Variants in HNF1A observed in about 807,000 individuals in gnomAD.
The protein encoded by HNF1A is hepatocyte nuclear factor 1-alpha.
Under a neutral mutation model 62.2 loss-of-function variants are expected in HNF1A, and 21 were observed. That is an observed-to-expected ratio of 0.34 (90% CI 0.24 to 0.49). The LOEUF is 0.49. HNF1A is among the 20% of genes least tolerant of loss of function. The probability of loss-of-function intolerance (pLI) is 0.99; values close to 1 mark genes in which losing one functional copy is unlikely to be tolerated. For synonymous variants in HNF1A, 374 were observed against 366.8 expected, an observed-to-expected ratio of 1.02 and a Z score of -0.22; for missense variants, 687 against 832.3, an observed-to-expected ratio of 0.83 and a Z score of 2.15.
chr12:120,992,282 T>A (rs1014841081), intron 2 of HNF1A, among the ~76,000 whole-genome samples: 3 of 152,240 alleles, frequency 2.0e-5, no homozygotes, highest in Non-Finnish European at 4.4e-5. Flanking sequence ...AGATGGGTTC[T>A]GGAAGCCCTG....
intron 2 of HNF1A, among the ~76,000 whole-genome samples, chr12:120,991,686 A>G (rs1355060062): frequency 3.9e-5 from 6 of 152,134 alleles, no homozygotes; most frequent in Non-Finnish European, 8.8e-5. Flanking sequence ...TCCTTACTCT[A>G]TAGCTACCCC....
intron 2 of HNF1A, among the ~76,000 whole-genome samples, chr12:120,991,551 G>A (rs1349392412): frequency 1.3e-5 from 2 of 152,178 alleles, no homozygotes; most frequent in African/African-American, 2.4e-5. Context: ...CCAAGATCAC[G>A]CCACTGCACT....
intron 9 of HNF1A, among the ~76,000 whole-genome samples, chr12:121,000,022 A>G (rs1434649184): frequency 6.6e-6 from 1 of 152,256 alleles, no homozygotes; most frequent in African/African-American, 2.4e-5. Context: ...GAATTTTCAC[A>G]TAGAAATCCA....
intron 1 of HNF1A, among the ~76,000 whole-genome samples, chr12:120,983,850 C>T (rs143836152): frequency 6.6e-6 from 1 of 151,744 alleles, no homozygotes; most frequent in Non-Finnish European, 1.5e-5. Flanking sequence ...CCAGCCTTGG[C>T]CTCTTAGTTC....
intron 1 of HNF1A, among the ~76,000 whole-genome samples, chr12:120,985,773 T>A (rs1416825200): frequency 6.6e-6 from 1 of 150,486 alleles, no homozygotes. Context: ...TCACCTGAAG[T>A]CGGGAGTTTG....
At chr12:120,987,790 CTAT>C (rs1320848512) in intron 1 of HNF1A, among the ~76,000 whole-genome samples, 1 of 151,924 alleles carries the variant, frequency 6.6e-6, no homozygotes, top group Non-Finnish European at 1.5e-5. Flanking sequence ...ATCTATCTAT[CTAT>C]CTATCTATCT....
In HNF1A at chr12:121,001,210, T is replaced by C; in HGVS notation, c.*18T>C. The C allele has an allele frequency of 6.2e-7, 1 of 1,613,454 alleles. No homozygotes were observed. Among genetic ancestry groups the C allele is most frequent in the Non-Finnish European group, 8.5e-7 (1 of 1,179,796 alleles). ...CCCAGTAACCACGGCACCTGGGCCC[T>C]GGGGCCTGTACTGCCTGCTTGGGGG... On this transcript the variant is annotated 3_prime_UTR_variant, in exon 10 of 10. Transcript: ENST00000257555.
chr12:120,987,788 A>T (rs1178545363), intron 1 of HNF1A, among the ~76,000 whole-genome samples: 1 of 151,850 alleles, frequency 6.6e-6, no homozygotes, highest in African/African-American at 2.4e-5. Context: ...CTATCTATCT[A>T]TCTATCTATC....
At chr12:120,985,044 CAA>C (rs1876441058) in intron 1 of HNF1A, among the ~76,000 whole-genome samples, 1 of 151,104 alleles carries the variant, frequency 6.6e-6, no homozygotes, top group African/African-American at 2.4e-5. Flanking sequence ...CTCTCGGGCT[CAA>C]GAGATCCTCT....
chr12:120,999,310 C>T lies in HNF1A; in HGVS notation c.1544C>T (p.Thr515Met), dbSNP rs745460046. The change falls in exon 8 of 10, where the codon ACG becomes ATG. Residue 515 changes from threonine (T) to methionine (M), a missense_variant. Around this residue, in one of 5 missense-constraint regions of HNF1A, gnomAD observed 408 missense variants for 455.3 expected, o/e 0.90. Transcript: ENST00000257555. ...HKPEVAQYTH[T>M]GLLPQTMLIT... ...CCCGAGGTGGCCCAGTACACCCACACGGGCCTGCTCCCGCAGACTATGCTC... is the reference window on the plus strand; with the variant it reads ...CCCGAGGTGGCCCAGTACACCCACATGGGCCTGCTCCCGCAGACTATGCTC... 32 of 1,613,874 alleles carry T rather than the reference C, an allele frequency of 2.0e-5. No individual in the cohort carries two copies. Among genetic ancestry groups the T allele is most frequent in the Admixed American group, 3.3e-5 (2 of 59,996 alleles).
chr12:120,995,774 C>T (rs1877066914), intron 4 of HNF1A, among the ~76,000 whole-genome samples: 3 of 152,044 alleles, frequency 2.0e-5, no homozygotes, highest in Admixed American at 2.0e-4. Flanking sequence ...GTCCTCTCCA[C>T]CCTTTACCAC....
intron 2 of HNF1A, among the ~76,000 whole-genome samples, chr12:120,990,706 AAAG>A (rs762146479): frequency 3.3e-5 from 5 of 150,766 alleles, no homozygotes; most frequent in South Asian, 2.1e-4. Flanking sequence ...AAGGAAAAGA[AAAG>A]AAAGAAAAAG....
chr12:120,990,173 A>G (rs1422472001), intron 2 of HNF1A, among the ~76,000 whole-genome samples: 3 of 151,640 alleles, frequency 2.0e-5, no homozygotes, highest in Admixed American at 6.6e-5. Flanking sequence ...ACAGAGTCTC[A>G]CTCTGTTGCC....
intron 1 of HNF1A, among the ~76,000 whole-genome samples, chr12:120,983,960 GAC>G (rs1160555599): frequency 8.7e-5 from 13 of 149,556 alleles, no homozygotes; most frequent in African/African-American, 3.2e-4. Flanking sequence ...TTGTGTAAGA[GAC>G]ACACAGAGAG....
intron 1 of HNF1A, among the ~76,000 whole-genome samples, chr12:120,986,626 C>T (rs1187904330): frequency 1.3e-5 from 2 of 152,220 alleles, no homozygotes; most frequent in African/African-American, 4.8e-5. Flanking sequence ...GTTGCCCAGG[C>T]TGGAATGCAG....
chr12:120,982,195 G>A (rs540461271), intron 1 of HNF1A, among the ~76,000 whole-genome samples: 35 of 152,212 alleles, frequency 2.3e-4, no homozygotes, highest in Admixed American at 1.6e-3. Context: ...TCAGCCTCCC[G>A]AGTAGCTGGG....
At chr12:120,982,350 ACT>A (rs1876294957) in intron 1 of HNF1A, among the ~76,000 whole-genome samples, 1 of 151,992 alleles carries the variant, frequency 6.6e-6, no homozygotes, top group African/African-American at 2.4e-5. Context: ...GATTACAGGC[ACT>A]CAGAGCCACT....
chr12:120,989,957 T>A (rs1427805803), intron 2 of HNF1A, among the ~76,000 whole-genome samples: 1 of 151,922 alleles, frequency 6.6e-6, no homozygotes, highest in Non-Finnish European at 1.5e-5. Context: ...AGGTCTACGG[T>A]CAGGAAATCC....
rs2135839252 is a variant in HNF1A, at chr12:120,993,598, A to T, written c.605A>T (p.Asn202Ile). 1 of 1,614,098 alleles carries T rather than the reference A, an allele frequency of 6.2e-7. No homozygotes were observed. The highest frequency in any genetic ancestry group is 1.1e-5 in the South Asian group (1 of 91,078). The stretch of plus-strand genomic sequence containing the variant: ...CTACCAACCAAGAAGGGGCGGAGGA[A>T]CCGTTTCAAGTGGGGCCCAGCATCC... ...DELPTKKGRR[N>I]RFKWGPASQQ... Residue 202 changes from asparagine (N) to isoleucine (I), a missense_variant, in exon 3 of 10, where the codon AAC becomes ATC. By Grantham distance (149) the Asn-to-Ile change is moderately radical. Transcript: ENST00000257555.
Sources: gnomAD v4.1 joint callset for allele counts (sites outside exome capture counted in the v4.1 genomes callset) on GRCh38, gnomAD v4.1.1 for gene constraint, gnomAD v4.1.1 regional missense constraint, MANE v1.5 for transcripts, NCBI Gene and HGNC (gene_info 2026-07-23, HGNC 2026-07-21) for gene names.